Variants in DMD observed in about 807,000 individuals in gnomAD.
DMD encodes the protein mutant dystrophin.
In DMD, 63 loss-of-function variants were observed where a neutral mutation model predicts 330.1. The ratio of observed to expected loss-of-function variants is 0.19; its 90% CI spans 0.16 to 0.24. The LOEUF (loss-of-function observed/expected upper bound fraction) is 0.24. Among genes scored for constraint, DMD ranks in the 10% least tolerant of loss-of-function variants. The pLI is 1.00. For synonymous variants in DMD, 1,223 were observed against 959.8 expected (o/e 1.27, Z -5.07); for missense variants, 3,344 against 2,684.1 (o/e 1.25, Z -5.43).
chrX:32,395,841 A>G (rs1380862018), intron 30 of DMD, among the ~76,000 whole-genome samples: 1 of 111,521 alleles, frequency 9.0e-6, no homozygotes, highest in East Asian at 2.8e-4. Flanking sequence ...AGTAAGAATT[A>G]CTATCTAGAT....
chrX:32,931,068 AT>A (rs2089548773), intron 2 of DMD, among the ~76,000 whole-genome samples: 1 of 108,539 alleles, frequency 9.2e-6, no homozygotes, highest in Non-Finnish European at 1.9e-5. Context: ...TAAATTATGC[AT>A]TTTATCTTAT....
chrX:32,456,093 T>C (rs1160882199), intron 25 of DMD, among the ~76,000 whole-genome samples: 3 of 42,343 alleles, frequency 7.1e-5, no homozygotes. Context: ...AACAGAGTTT[T>C]CATAGTATTA....
rs749427429 is a variant in DMD, at chrX:32,997,447, T to C, written c.93+22692A>G. On this transcript the variant is annotated intron_variant, in intron 2 of 78. Transcript: ENST00000357033. ...TTTTAGTAGAGACAGGGTTTAACCA[T>C]GTTGGTCAGGCTGGTCTCGAACTCC... Among the ~76,000 whole-genome samples, 237 of 111,694 alleles carry C rather than the reference T, an allele frequency of 2.1e-3. 1 individual carries two copies. Among genetic ancestry groups the C allele is most frequent in the African/African-American group, 7.2e-3 (220 of 30,756 alleles).
intron 60 of DMD, among the ~76,000 whole-genome samples, chrX:31,411,715 C>A (rs1347923434): frequency 8.1e-5 from 9 of 110,770 alleles, no homozygotes; most frequent in African/African-American, 1.3e-4. Context: ...CTCACTGTAA[C>A]CTTGGCCTCC....
intron 44 of DMD, among the ~76,000 whole-genome samples, chrX:31,988,273 A>C (rs1158329175): frequency 1.2e-4 from 13 of 109,371 alleles, no homozygotes; most frequent in African/African-American, 4.3e-4. Context: ...GAGATCGAGA[A>C]CAACCTGGCT....
intron 42 of DMD, among the ~76,000 whole-genome samples, chrX:32,299,612 C>T (rs2097513511): frequency 9.1e-6 from 1 of 109,863 alleles, no homozygotes; most frequent in South Asian, 3.8e-4. Flanking sequence ...AGAGCAGAAA[C>T]TCTGGAGCTT....
intron 61 of DMD, among the ~76,000 whole-genome samples, chrX:31,341,738 T>A (rs2057745807): frequency 1.8e-5 from 2 of 111,367 alleles, no homozygotes; most frequent in Non-Finnish European, 3.8e-5. Flanking sequence ...GTGACCTTGG[T>A]TATGTCATTT....
chrX:31,505,290 T>C (rs749815114), intron 56 of DMD, among the ~76,000 whole-genome samples: 121 of 111,785 alleles, frequency 1.1e-3, no homozygotes, highest in Admixed American at 2.1e-3. Flanking sequence ...AAAATGCTAT[T>C]GCCATTGTTG....
In DMD at chrX:32,983,526, AAT is replaced by A. The variant is rs2092759334; in HGVS notation, c.93+36611_93+36612del. On this transcript the variant is annotated intron_variant, in intron 2 of 78. Transcript: ENST00000357033. ...CATGTGATGAAACTGTACAGAACTA[AAT>A]ACACACACACACACACACACACACA... is the stretch of plus-strand genomic sequence containing the variant. Among the ~76,000 whole-genome samples the A allele has an allele frequency of 4.1e-5, 3 of 73,214 alleles. No homozygotes were observed. In the South Asian group the frequency reaches 2.2e-3, roughly 54 times the overall value. 63.6% of individuals were successfully genotyped at this position (73,214 alleles called of 115,157 possible). A position where few individuals can be genotyped will look rare whatever the true frequency, so the allele number is the denominator to read the frequency against.
In DMD at chrX:32,125,617, C is replaced by G. The variant is rs959783777; in HGVS notation, c.6438+91299G>C. ...AACATTAGTTAGGTTAAATCAGGAA[C>G]ATAGATAAGATTACCTAGGGACAGA... On this transcript the variant is annotated intron_variant, in intron 44 of 78. Transcript: ENST00000357033. Among the ~76,000 whole-genome samples, 5 of 111,788 alleles carry G rather than the reference C, an allele frequency of 4.5e-5. No homozygotes were observed. The Admixed American group carries it at 4.8e-4, about 11-fold the overall frequency.
intron 1 of DMD, among the ~76,000 whole-genome samples, chrX:33,044,910 G>A (rs1427528840): frequency 8.9e-6 from 1 of 111,848 alleles, no homozygotes; most frequent in Non-Finnish European, 1.9e-5. Context: ...ATTTGGTTAT[G>A]CATATAAAGC....
At position 31,350,632 on chromosome X, in the gene DMD, T is replaced by TGAGA. The variant is rs372820688; in HGVS notation, c.9085-2002_9085-1999dup. 1.7e-3 allele frequency among the ~76,000 whole-genome samples: 112 copies of TGAGA among 66,658 alleles called. 1 individual carries two copies. Among genetic ancestry groups the TGAGA allele is most frequent in the East Asian group, 0.012 (22 of 1,907 alleles). The allele number at this position is 66,658 out of a possible 115,157, so 57.9% of individuals were successfully genotyped here. ...GTGTGTGTGTGTGTGTGTGTGTGTG[T>TGAGA]GAGAGAGAGAGAGAGAGAGAGAGAG... On this transcript the variant is annotated intron_variant, in intron 60 of 78. Coordinates refer to ENST00000357033, the MANE Select transcript of DMD (RefSeq NM_004006.3).
rs1241539580 is a variant in DMD at position 31,574,588 on chromosome X, G to C, written c.8217+53085C>G. Among the ~76,000 whole-genome samples the C allele has an allele frequency of 2.7e-5, 3 of 111,926 alleles. No homozygotes were observed. In the East Asian group the frequency reaches 8.4e-4, roughly 31 times the overall value. On this transcript the variant is annotated intron_variant, in intron 55 of 78. Coordinates refer to ENST00000357033, the MANE Select transcript of DMD (RefSeq NM_004006.3). ...CCAGTGCTACCTGCGGACAGAGCTA[G>C]AAAAGTGCCCATATGGTCATTTACT...
rs186417822 is a variant in DMD, at chrX:31,831,845, G to A, written c.7200+4873C>T. Among the ~76,000 whole-genome samples, 647 of 112,188 alleles carry A rather than the reference G, an allele frequency of 5.8e-3. 1 individual carries two copies. Among genetic ancestry groups the A allele is most frequent in the Middle Eastern group, 9.3e-3 (2 of 215 alleles). On this transcript the variant is annotated intron_variant, in intron 49 of 78. Transcript: ENST00000357033. ...TCTCGATCTCCTGACTTTGTGATCCGCCCACCTTGGCCTCCCAAAGTGCTG... is the reference window on the plus strand; with the variant it reads ...TCTCGATCTCCTGACTTTGTGATCCACCCACCTTGGCCTCCCAAAGTGCTG...
At chrX:32,004,775 C>T (rs1477449722) in intron 44 of DMD, among the ~76,000 whole-genome samples, 2 of 111,045 alleles carry the variant, frequency 1.8e-5, no homozygotes, top group African/African-American at 3.3e-5. Context: ...AAGAGTGCTC[C>T]AAATCTTTAA....
chrX:32,016,775 T>C (rs997796484), intron 44 of DMD, among the ~76,000 whole-genome samples: 2 of 112,627 alleles, frequency 1.8e-5, no homozygotes, highest in African/African-American at 6.5e-5. Flanking sequence ...TCATCAGCAT[T>C]TTTAGAATAT....
chrX:33,054,567 A>G (rs1167950916), intron 1 of DMD, among the ~76,000 whole-genome samples: 1 of 112,704 alleles, frequency 8.9e-6, no homozygotes, highest in Non-Finnish European at 1.9e-5. Flanking sequence ...GAAGGAAAAC[A>G]TTGAATTAAG....
chrX:33,067,275 C>A (rs746114140), intron 1 of DMD, among the ~76,000 whole-genome samples: 1 of 111,813 alleles, frequency 8.9e-6, no homozygotes, highest in East Asian at 2.8e-4. Context: ...GTGAACTCAG[C>A]GACTGCAGAC....
At chrX:32,709,817 T>G (rs2065019314) in intron 7 of DMD, among the ~76,000 whole-genome samples, 1 of 111,696 alleles carries the variant, frequency 9.0e-6, no homozygotes, top group African/African-American at 3.3e-5. Flanking sequence ...CTGTCATTAT[T>G]ATGTTTATTT....
Sources: gnomAD v4.1 joint callset for allele counts (sites outside exome capture counted in the v4.1 genomes callset) on GRCh38, gnomAD v4.1.1 for gene constraint, MANE v1.5 for transcripts, NCBI Gene and HGNC (gene_info 2026-07-23, HGNC 2026-07-21) for gene names.